The following PRDM4 variants were observed in gnomAD, a reference collection of about 807,000 sequenced individuals.
PRDM4 encodes PR domain zinc finger protein 4.
In PRDM4, 38 loss-of-function variants were observed where a neutral mutation model predicts 62.3. The observed-to-expected ratio is 0.61, with a 90% CI of 0.47 to 0.80. PRDM4 has a LOEUF of 0.80. Ranked by LOEUF, PRDM4 falls within the 30% of genes least tolerant of loss-of-function variation. PRDM4 has a pLI of 0.00. For missense variants in PRDM4, 858 were observed against 997.1 expected, an observed-to-expected ratio of 0.86 and a Z score of 1.88; for synonymous variants, 339 against 348.2, an observed-to-expected ratio of 0.97 and a Z score of 0.30.
chr12:107,751,177 T>C (rs574036275), intron 5 of PRDM4, among the ~76,000 whole-genome samples: 19 of 152,308 alleles, frequency 1.2e-4, no homozygotes, highest in Admixed American at 9.8e-4. Flanking sequence ...AAATGACTAC[T>C]TCACATTTCA....
intron 3 of PRDM4, among the ~76,000 whole-genome samples, chr12:107,756,115 C>T (rs1397210335): frequency 6.7e-6 from 1 of 149,898 alleles, no homozygotes; most frequent in Non-Finnish European, 1.5e-5. Context: ...AGAAAATGAG[C>T]CAGGTGTAGG....
intron 11 of PRDM4, chr12:107,739,078 G>A (rs1056422598): frequency 2.0e-5 from 5 of 248,876 alleles, no homozygotes; most frequent in East Asian, 9.3e-5. Flanking sequence ...GCACACTATC[G>A]TCTAACTATA....
In PRDM4 at chr12:107,741,181, C is replaced by A; in HGVS notation, c.1689G>T (p.Leu563=). Residue 563 remains leucine, a synonymous_variant, in exon 10 of 12, where the codon CTG becomes CTT. Transcript: ENST00000228437. ...GAAGATGGTTATGGATGTGGCTGGT[C>A]AGATGGGCTTTGAACTCTGTGTAAG... ...CNSYTEFKAH[L]TSHIHNHLPT... 1.2e-6 allele frequency: 2 copies of A among 1,614,118 alleles called. No homozygotes were observed. The highest frequency in any genetic ancestry group is 2.2e-5 in the East Asian group (1 of 44,874).
chr12:107,748,161 CAG>C (rs1444183729), intron 5 of PRDM4, among the ~76,000 whole-genome samples: 1 of 151,920 alleles, frequency 6.6e-6, no homozygotes, highest in Non-Finnish European at 1.5e-5. Flanking sequence ...GCCTGGGTGA[CAG>C]AGCCAGACTC....
At chr12:107,741,430 C>T (rs1890515083) in intron 9 of PRDM4, among the ~76,000 whole-genome samples, 170 bp from the exon 10 acceptor site, 1 of 152,078 alleles carries the variant, frequency 6.6e-6, no homozygotes, top group African/African-American at 2.4e-5. Flanking sequence ...GTACTATGGG[C>T]CAGGCACAGT....
In PRDM4 at chr12:107,751,829, C is replaced by T; in HGVS notation, c.712G>A (p.Asp238Asn). 1 of 1,614,232 alleles carries T rather than the reference C, an allele frequency of 6.2e-7. No individual in the cohort carries two copies. The highest frequency in any genetic ancestry group is 1.1e-5 in the South Asian group (1 of 91,080). ...GSRSHEPLSV[D>N]SVSNNLAADA... ...GCTGCAAGGTTGTTGCTCACAGAAT[C>T]CACAGACAGAGGTTCATGACTTCTG... Residue 238 changes from aspartate to asparagine, a missense_variant, in exon 5 of 12, where the codon GAT becomes AAT. Physicochemically the swap from Asp to Asn is conservative, Grantham distance 23. Transcript: ENST00000228437.
At chr12:107,745,197 G>A (rs1490093692) in intron 6 of PRDM4, among the ~76,000 whole-genome samples, 1 of 152,150 alleles carries the variant, frequency 6.6e-6, no homozygotes, top group Non-Finnish European at 1.5e-5. Context: ...TGAGTAAGAA[G>A]AAATATCAGG....
intron 4 of PRDM4, 51 bp downstream of exon 4, chr12:107,753,873 A>C: frequency 9.2e-6 from 14 of 1,525,640 alleles, no homozygotes; most frequent in Non-Finnish European, 1.2e-5. Flanking sequence ...AAAAGTTTAA[A>C]AGCTGGCGCC....
intron 5 of PRDM4, 105 bp downstream of exon 5, chr12:107,751,310 G>T: frequency 5.0e-6 from 6 of 1,194,048 alleles, no homozygotes; most frequent in Non-Finnish European, 7.0e-6. Context: ...CCAAGGTCTA[G>T]TTGCTTTCTA....
rs568870099 is a variant in PRDM4 at position 107,737,692 on chromosome 12, G to A, written c.2093+1691C>T. 5.9e-5 allele frequency among the ~76,000 whole-genome samples: 9 copies of A among 152,306 alleles called. No homozygotes were observed. In the East Asian group the frequency reaches 1.2e-3, roughly 20 times the overall value. ...AGTCCTTAACCCTGGCTGGCCACGAGAATCACTTGGGGAGCTTTTTAAAAT... is the reference window on the plus strand; with the variant it reads ...AGTCCTTAACCCTGGCTGGCCACGAAAATCACTTGGGGAGCTTTTTAAAAT... On this transcript the variant is annotated intron_variant, in intron 11 of 11. Coordinates refer to ENST00000228437, the MANE Select transcript of PRDM4 (RefSeq NM_012406.4).
intron 6 of PRDM4, among the ~76,000 whole-genome samples, chr12:107,745,350 C>T (rs1890664130): frequency 6.6e-6 from 1 of 152,088 alleles, no homozygotes; most frequent in East Asian, 1.9e-4. Flanking sequence ...CTGCTTGAGG[C>T]CAGGAGTTCG....
intron 8 of PRDM4, 83 bp from the exon 9 acceptor site, chr12:107,742,431 T>TCTAAAC: frequency 6.9e-7 from 1 of 1,452,038 alleles, no homozygotes; most frequent in Non-Finnish European, 9.5e-7. Context: ...CAAAATCCTA[T>TCTAAAC]ATGAAAGCTT....
intron 3 of PRDM4, chr12:107,754,803 G>A (rs767498060): frequency 1.3e-5 from 2 of 152,006 alleles, no homozygotes; most frequent in Non-Finnish European, 2.9e-5. Flanking sequence ...AATTTTTTTG[G>A]TATTTTTAAA....
At chr12:107,753,834 G>GA in intron 4 of PRDM4, 90 bp downstream of exon 4, 2 of 1,256,480 alleles carry the variant, frequency 1.6e-6, no homozygotes, top group Non-Finnish European at 2.2e-6. Flanking sequence ...GTGACAAACA[G>GA]AAAAAAGTGT....
At chr12:107,738,090 TG>T (rs1890392133) in intron 11 of PRDM4, 1 of 152,136 alleles carries the variant, frequency 6.6e-6, no homozygotes, top group Non-Finnish European at 1.5e-5. Context: ...TGGGTTCTGG[TG>T]GGGGCCCTCT....
intron 11 of PRDM4, among the ~76,000 whole-genome samples, chr12:107,735,881 A>G (rs1413487336): frequency 6.6e-6 from 1 of 152,056 alleles, no homozygotes; most frequent in Non-Finnish European, 1.5e-5. Flanking sequence ...GGCGTTCTGA[A>G]GCCTGGCTTC....
intron 5 of PRDM4, 100 bp from the exon 6 acceptor site, chr12:107,746,524 AC>A: frequency 8.3e-7 from 1 of 1,199,660 alleles, no homozygotes; most frequent in Non-Finnish European, 1.1e-6. Flanking sequence ...CTTGCTCTGC[AC>A]CCAGGCTGGA....
chr12:107,739,605 A>G (rs1416438458), intron 10 of PRDM4, 54 bp from the exon 11 acceptor site: 22 of 1,550,294 alleles, frequency 1.4e-5, no homozygotes, highest in Non-Finnish European at 1.8e-5. Flanking sequence ...TGGCATCCCC[A>G]AGACACACAG....
chr12:107,756,297 C>CAA (rs1436596549), intron 3 of PRDM4, among the ~76,000 whole-genome samples: 1 of 152,064 alleles, frequency 6.6e-6, no homozygotes, highest in East Asian at 1.9e-4. Context: ...TTTTCCTATA[C>CAA]GATTTTGCTG....
Sources: gnomAD v4.1 joint callset for allele counts (sites outside exome capture counted in the v4.1 genomes callset) on GRCh38, gnomAD v4.1.1 for gene constraint, MANE v1.5 for transcripts, NCBI Gene and HGNC (gene_info 2026-07-23, HGNC 2026-07-21) for gene names.